Variants in ZNF451 observed in about 807,000 individuals in gnomAD.
ZNF451 encodes the protein E3 SUMO-protein ligase ZNF451.
A neutral mutation model predicts 107.1 loss-of-function variants in ZNF451; 80 were observed. That is an observed-to-expected ratio of 0.75 (90% CI 0.62 to 0.90). ZNF451 has a LOEUF of 0.90. Among genes scored for constraint, ZNF451 ranks in the 40% least tolerant of loss-of-function variants. The probability of loss-of-function intolerance (pLI) is 0.00; values close to 1 mark genes in which losing one functional copy is unlikely to be tolerated. For missense variants in ZNF451, 1,107 were observed against 1,236.2 expected, an observed-to-expected ratio of 0.90 and a Z score of 1.57; for synonymous variants, 362 against 406.5, an observed-to-expected ratio of 0.89 and a Z score of 1.32.
intron 3 of ZNF451, among the ~76,000 whole-genome samples, chr6:57,112,200 G>C (rs140297174): frequency 6.6e-6 from 1 of 151,962 alleles, no homozygotes; most frequent in African/African-American, 2.4e-5. Context: ...CAGAACTTTG[G>C]GGGGTGGTGC....
chr6:57,124,291 C>G, intron 3 of ZNF451: 1 of 623,904 alleles, frequency 1.6e-6, no homozygotes, highest in South Asian at 1.9e-5. Flanking sequence ...CTGGCTCCCC[C>G]TGGAGTTTTT....
chr6:57,097,126 T>C (rs1053471611), intron 2 of ZNF451, among the ~76,000 whole-genome samples: 1 of 152,188 alleles, frequency 6.6e-6, no homozygotes, highest in Non-Finnish European at 1.5e-5. Flanking sequence ...CTGTTTACCA[T>C]ATATTGGAGA....
chr6:57,105,692 T>TA, intron 3 of ZNF451: 1 of 985,428 alleles, frequency 1.0e-6, no homozygotes, highest in African/African-American at 1.7e-5. Flanking sequence ...TTTCTATAGA[T>TA]ATGCTCTAGG....
In ZNF451 at chr6:57,150,629, A is replaced by G. The variant is rs1832298218; in HGVS notation, c.2609-90A>G. ...TAACATTCAAGGTTAGTATTTTTGC[A>G]TATTAGGCTTCTAATACTTTTTGGA... On this transcript the variant is annotated intron_variant, in intron 10 of 14. Transcript: ENST00000370706. The G allele has an allele frequency of 1.3e-5, 17 of 1,319,248 alleles. No homozygotes were observed. The South Asian group carries it at 2.3e-4, about 18-fold the overall frequency. 81.7% of individuals were successfully genotyped at this position (1,319,248 alleles called of 1,614,324 possible). A position where few individuals can be genotyped will look rare whatever the true frequency, so the allele number is the denominator to read the frequency against.
At chr6:57,138,194 T>C (rs998250664) in intron 7 of ZNF451, among the ~76,000 whole-genome samples, 1 of 152,104 alleles carries the variant, frequency 6.6e-6, no homozygotes, top group African/African-American at 2.4e-5. Flanking sequence ...CATTTTACTT[T>C]CCCGCCAGCA....
rs746799621 is a variant in ZNF451, at chr6:57,124,758, A to G, written c.211A>G (p.Ile71Val). ...TDENIKRKDH[I>V]DYQKDKVALT... is the part of the protein sequence containing the mutation. Reference sequence around the variant, plus strand: ...GGAGAATATTAAACGTAAAGACCATATTGATTATCAGAAGGATAAAGTTGC... The same window carrying G: ...GGAGAATATTAAACGTAAAGACCATGTTGATTATCAGAAGGATAAAGTTGC... Residue 71 changes from isoleucine (I) to valine (V), a missense_variant, in exon 4 of 15, where the codon ATT becomes GTT. This residue lies in a region of ZNF451 where 339 missense variants were observed against 372.8 expected (regional missense o/e 0.91). Transcript: ENST00000370706. 7.0e-5 allele frequency: 112 copies of G among 1,594,810 alleles called. No homozygotes were observed. Among genetic ancestry groups the G allele is most frequent in the Non-Finnish European group, 9.1e-5 (106 of 1,163,556 alleles).
chr6:57,104,162 AGT>A, intron 3 of ZNF451: 1 of 985,336 alleles, frequency 1.0e-6, no homozygotes, highest in South Asian at 4.7e-5. Flanking sequence ...TTCTCTACAA[AGT>A]GTCTTTCAAA....
At chr6:57,158,633 A>G in intron 13 of ZNF451, 1 of 985,392 alleles carries the variant, frequency 1.0e-6, no homozygotes, top group Non-Finnish European at 1.2e-6. Context: ...TGCTTCCTCT[A>G]CCTTTCACTT....
intron 13 of ZNF451, among the ~76,000 whole-genome samples, chr6:57,155,404 T>G (rs2127984492): frequency 6.6e-6 from 1 of 152,276 alleles, no homozygotes. Context: ...GAGAATCGCT[T>G]GAACCCAGGA....
In ZNF451 at chr6:57,124,827, C is replaced by T; in HGVS notation, c.280C>T (p.Gln94Ter). 1 of 1,610,756 alleles carries T rather than the reference C, an allele frequency of 6.2e-7. No individual in the cohort carries two copies. The highest frequency in any genetic ancestry group is 8.5e-7 in the Non-Finnish European group (1 of 1,177,902). Reference protein sequence around the residue: ...RLARHVEVEKQQKEEKNRAFR... With the variant: ...RLARHVEVEK Reference sequence around the variant, plus strand: ...AGCCCGCCATGTTGAAGTGGAGAAACAGCAGAAAGAAGAGAAGAATAGAGC... The same window carrying T: ...AGCCCGCCATGTTGAAGTGGAGAAATAGCAGAAAGAAGAGAAGAATAGAGC... Residue 94 changes from glutamine (Q) to a stop codon, truncating the protein, a stop_gained, in exon 4 of 15, where the codon CAG becomes TAG. Coordinates refer to ENST00000370706, the MANE Select transcript of ZNF451 (RefSeq NM_001031623.3). LOFTEE classifies it high-confidence loss of function.
rs747333851 is a variant in ZNF451 at position 57,147,375 on chromosome 6, C to G, written c.1290C>G (p.Thr430=). The change falls in exon 10 of 15, where the codon ACC becomes ACG. Residue 430 remains threonine, a synonymous_variant. Transcript: ENST00000370706. ...CAAAATTTTCATCACTTAAAAGAAC[C>G]ATGTCTATTAAAGAATCTAGCTCAC... ...DQSKFSSLKR[T]MSIKESSSLE... The G allele has an allele frequency of 1.9e-6, 3 of 1,613,862 alleles. No homozygotes were observed. Among genetic ancestry groups the G allele is most frequent in the Non-Finnish European group, 2.5e-6 (3 of 1,179,956 alleles).
intron 3 of ZNF451, among the ~76,000 whole-genome samples, chr6:57,121,957 C>G (rs1049515679): frequency 6.6e-6 from 1 of 151,524 alleles, no homozygotes; most frequent in African/African-American, 2.4e-5. Flanking sequence ...AGAGACATCA[C>G]ATTACCTAAT....
chr6:57,097,584 G>A (rs1288067337), intron 2 of ZNF451, among the ~76,000 whole-genome samples: 1 of 152,176 alleles, frequency 6.6e-6, no homozygotes, highest in Non-Finnish European at 1.5e-5. Context: ...AAAATGTCTG[G>A]TTGCCACATT....
chr6:57,144,990 G>T (rs1193839198), intron 9 of ZNF451, among the ~76,000 whole-genome samples: 1 of 152,216 alleles, frequency 6.6e-6, no homozygotes, highest in African/African-American at 2.4e-5. Context: ...TTACATTTAG[G>T]TATTTAATTT....
Position 57,148,157 on chromosome 6 carries a change from G to C in ZNF451, c.2072G>C (p.Ser691Thr). Residue 691 changes from serine (S) to threonine (T), a missense_variant, in exon 10 of 15, where the codon AGC becomes ACC. Coordinates refer to ENST00000370706, the MANE Select transcript of ZNF451 (RefSeq NM_001031623.3). ...AFLSHYEEHHSIDYVFVSEKT... is the reference protein window; with the variant it reads ...AFLSHYEEHHTIDYVFVSEKT... ...CTGAGTCATTATGAGGAGCACCACA[G>C]CATAGATTATGTATTTGTGTCAGAA... The C allele has an allele frequency of 6.2e-7, 1 of 1,614,074 alleles. No homozygotes were observed. The highest frequency in any genetic ancestry group is 1.1e-5 in the South Asian group (1 of 91,078).
At chr6:57,132,980 C>T in intron 5 of ZNF451, 62 bp from the exon 6 acceptor site, 1 of 1,559,140 alleles carries the variant, frequency 6.4e-7, no homozygotes, top group African/African-American at 1.4e-5. Context: ...TAATTTTGAT[C>T]ACTAGCCCAA....
At chr6:57,166,785 C>T (rs915742177) in intron 14 of ZNF451, among the ~76,000 whole-genome samples, 2 of 152,180 alleles carry the variant, frequency 1.3e-5, no homozygotes, top group Non-Finnish European at 2.9e-5. Flanking sequence ...AGCATCACCA[C>T]AAACACATGA....
At chr6:57,162,613 GT>G (rs961341983) in intron 14 of ZNF451, among the ~76,000 whole-genome samples, 5 of 152,092 alleles carry the variant, frequency 3.3e-5, no homozygotes, top group African/African-American at 1.2e-4. Flanking sequence ...CAATTAAGTT[GT>G]TTATCAAGGC....
At position 57,153,979 on chromosome 6, in the gene ZNF451, T is replaced by C. The variant is rs770114723; in HGVS notation, c.3002T>C (p.Leu1001Pro). Residue 1001 changes from leucine to proline, a missense_variant, in exon 13 of 15, where the codon CTA becomes CCA. By Grantham distance (98) the Leu-to-Pro change is moderately conservative. Coordinates refer to ENST00000370706, the MANE Select transcript of ZNF451 (RefSeq NM_001031623.3). ...AAGACTCAGAGGCCAGCTCATATAC[T>C]AAACCCTCACCACTTAGAGGGAGAT... is the stretch of plus-strand genomic sequence containing the variant. ...FKKTQRPAHI[L>P]NPHHLEGDMM... 2 of 1,614,178 alleles carry C rather than the reference T, an allele frequency of 1.2e-6. No homozygotes were observed. Among genetic ancestry groups the C allele is most frequent in the Admixed American group, 3.3e-5 (2 of 60,012 alleles).
Sources: allele counts gnomAD v4.1 joint callset (sites outside exome capture counted in the v4.1 genomes callset), GRCh38; gene constraint gnomAD v4.1.1; regional missense constraint gnomAD v4.1.1; transcripts MANE v1.5; gene names NCBI Gene and HGNC (gene_info 2026-07-23, HGNC 2026-07-21).